Variants in SCN11A observed in about 807,000 individuals in gnomAD.
SCN11A encodes sodium channel protein type 11 subunit alpha.
SCN11A carries 122 observed loss-of-function variants against 162.2 expected under a neutral mutation model. That is an observed-to-expected ratio of 0.75 (90% CI 0.65 to 0.87). The LOEUF (loss-of-function observed/expected upper bound fraction) is 0.87. Ranked by LOEUF, SCN11A falls within the 40% of genes least tolerant of loss-of-function variation. The pLI is 0.00. For synonymous variants in SCN11A, 758 were observed against 751.5 expected, an observed-to-expected ratio of 1.01 and a Z score of -0.14; for missense variants, 2,015 against 2,181.6, an observed-to-expected ratio of 0.92 and a Z score of 1.52.
chr3:38,900,187 C>A, intron 16 of SCN11A, 114 bp from the exon 17 acceptor site: 1 of 749,720 alleles, frequency 1.3e-6, no homozygotes, highest in Non-Finnish European at 2.2e-6. Context: ...TCATGATTGA[C>A]ACACTATACC....
intron 28 of SCN11A, among the ~76,000 whole-genome samples, chr3:38,852,149 T>C (rs1227757497): frequency 2.6e-5 from 4 of 152,076 alleles, no homozygotes; most frequent in Non-Finnish European, 5.9e-5. Context: ...GAGTGAATTA[T>C]ATATCACTTG....
intron 7 of SCN11A, among the ~76,000 whole-genome samples, chr3:38,938,511 T>TAC (rs1559544799): frequency 2.0e-4 from 2 of 9,846 alleles, no homozygotes; most frequent in African/African-American, 6.5e-4. Context: ...AAAAATATCA[T>TAC]ATATATATAT....
Position 38,850,418 on chromosome 3 carries a change from A to C in SCN11A, c.4327+63T>G, listed in dbSNP as rs191412779. 20 of 1,458,752 alleles carry C rather than the reference A, an allele frequency of 1.4e-5. 1 individual carries two copies. The South Asian group carries it at 1.6e-4, about 11-fold the overall frequency. The allele number at this position is 1,458,752 out of a possible 1,614,324, so 90.4% of individuals were successfully genotyped here. ...GGATAGTTTGAACAAACTTCAAAAA[A>C]TGATAAGATTTACAAACTTACTTCT... On this transcript the variant is annotated intron_variant, in intron 29 of 29. Transcript: ENST00000302328.
intron 23 of SCN11A, among the ~76,000 whole-genome samples, chr3:38,873,430 G>C (rs886241894): frequency 6.6e-6 from 1 of 152,120 alleles, no homozygotes; most frequent in African/African-American, 2.4e-5. Flanking sequence ...AGAATATTAA[G>C]ATTTTGAAAT....
intron 2 of SCN11A, among the ~76,000 whole-genome samples, chr3:38,966,653 T>A (rs1433777440): frequency 6.6e-6 from 1 of 152,192 alleles, no homozygotes. Flanking sequence ...TAGAATACAT[T>A]GTTGTTAACT....
intron 1 of SCN11A, among the ~76,000 whole-genome samples, chr3:39,040,676 A>C (rs972251476): frequency 1.3e-5 from 2 of 152,228 alleles, no homozygotes; most frequent in African/African-American, 2.4e-5. Context: ...AAAGAAACAT[A>C]TATTATTTTT....
At chr3:38,907,310 ATGTGTGTG>A (rs141158768) in intron 14 of SCN11A, among the ~76,000 whole-genome samples, 2,119 of 118,930 alleles carry the variant, frequency 0.018, 65 homozygotes, top group African/African-American at 0.06. Context: ...ACCAACATAT[ATGTGTGTG>A]TGTGTGTGTG....
intron 2 of SCN11A, among the ~76,000 whole-genome samples, chr3:39,023,101 C>T (rs536103577): frequency 6.6e-6 from 1 of 152,052 alleles, no homozygotes; most frequent in African/African-American, 2.4e-5. Flanking sequence ...TTTAGAGATA[C>T]TGACTGGAAG....
chr3:39,032,931 C>G (rs2031798593), intron 1 of SCN11A, among the ~76,000 whole-genome samples: 1 of 152,130 alleles, frequency 6.6e-6, no homozygotes, highest in Admixed American at 6.5e-5. Flanking sequence ...GTGGGCAGAT[C>G]ACTTGAGGTC....
intron 1 of SCN11A, among the ~76,000 whole-genome samples, chr3:39,048,629 C>T (rs1021780263): frequency 6.6e-6 from 1 of 152,162 alleles, no homozygotes; most frequent in Non-Finnish European, 1.5e-5. Flanking sequence ...AATACATCCA[C>T]AAATTTATTG....
At chr3:38,995,769 A>G (rs1360356511) in intron 2 of SCN11A, among the ~76,000 whole-genome samples, 1 of 141,500 alleles carries the variant, frequency 7.1e-6, no homozygotes, top group African/African-American at 3.0e-5. Context: ...AGCCTCCATA[A>G]TAATGTGAGC....
intron 17 of SCN11A, among the ~76,000 whole-genome samples, chr3:38,897,556 A>T (rs1376892282): frequency 6.6e-6 from 1 of 152,098 alleles, no homozygotes; most frequent in Non-Finnish European, 1.5e-5. Flanking sequence ...CTCTACTAAA[A>T]TACAAAAAAA....
At chr3:38,891,504 G>A (rs569318818) in intron 19 of SCN11A, among the ~76,000 whole-genome samples, 16 of 152,246 alleles carry the variant, frequency 1.1e-4, no homozygotes, top group South Asian at 8.3e-4. Context: ...AAAATTGATC[G>A]AAAACATTAA....
intron 19 of SCN11A, among the ~76,000 whole-genome samples, chr3:38,888,113 A>G (rs1043555035): frequency 1.3e-5 from 2 of 152,240 alleles, no homozygotes; most frequent in Admixed American, 6.5e-5. Context: ...GGGCTGAGGT[A>G]AAGTTTTTGC....
chr3:38,972,971 A>T (rs1448649402), intron 2 of SCN11A, among the ~76,000 whole-genome samples: 1 of 152,196 alleles, frequency 6.6e-6, no homozygotes, highest in Non-Finnish European at 1.5e-5. Flanking sequence ...TTTCACACAA[A>T]ATGTTTACAT....
chr3:38,877,076 GTATATACTATA>G (rs1288231115), intron 23 of SCN11A, among the ~76,000 whole-genome samples: 3 of 124,512 alleles, frequency 2.4e-5, no homozygotes, highest in South Asian at 2.5e-4. Context: ...TATATATGGT[GTATATACTATA>G]TATATGGTAT....
At chr3:39,043,776 G>A (rs1373488018) in intron 1 of SCN11A, among the ~76,000 whole-genome samples, 1 of 151,828 alleles carries the variant, frequency 6.6e-6, no homozygotes, top group Non-Finnish European at 1.5e-5. Flanking sequence ...GCACAACAGG[G>A]GGACTACAGT....
At chr3:38,959,591 C>T (rs1262775632) in intron 3 of SCN11A, among the ~76,000 whole-genome samples, 3 of 152,196 alleles carry the variant, frequency 2.0e-5, no homozygotes, top group African/African-American at 7.2e-5. Context: ...CTGGCCTCAC[C>T]ATGACACTCT....
intron 2 of SCN11A, among the ~76,000 whole-genome samples, chr3:38,973,700 G>T (rs996747824): frequency 2.0e-5 from 3 of 152,232 alleles, no homozygotes; most frequent in African/African-American, 4.8e-5. Context: ...ATGGAAGAGA[G>T]TGTTGGAAGC....
Sources: allele counts gnomAD v4.1 joint callset (sites outside exome capture counted in the v4.1 genomes callset), GRCh38; gene constraint gnomAD v4.1.1; transcripts MANE v1.5; gene names NCBI Gene and HGNC (gene_info 2026-07-23, HGNC 2026-07-21).